ZC3H7A: variants seen among roughly 807,000 people sequenced by gnomAD.
ZC3H7A encodes the protein zinc finger CCCH-type containing 7A.
A neutral mutation model predicts 125.5 loss-of-function variants in ZC3H7A; 44 were observed. The ratio of observed to expected loss-of-function variants is 0.35; its 90% CI spans 0.28 to 0.45. The LOEUF is 0.45. Among genes scored for constraint, ZC3H7A ranks in the 20% least tolerant of loss-of-function variants. The probability of loss-of-function intolerance (pLI) is 1.00; values close to 1 mark genes in which losing one functional copy is unlikely to be tolerated. For synonymous variants in ZC3H7A, 399 were observed against 391.2 expected (o/e 1.02, Z -0.23); for missense variants, 977 against 1,170.7 (o/e 0.83, Z 2.41).
intron 19 of ZC3H7A, chr16:11,759,735 G>A (rs1297603785): frequency 6.6e-6 from 1 of 152,258 alleles, no homozygotes; most frequent in Non-Finnish European, 1.5e-5. Flanking sequence ...GGGCCCTTCT[G>A]GCAGACTTTG....
intron 16 of ZC3H7A, chr16:11,763,167 T>C (rs555926313): frequency 1.9e-5 from 5 of 258,138 alleles, no homozygotes; most frequent in Admixed American, 5.3e-5. Flanking sequence ...GAGCGTAGTG[T>C]TGTGATCCTG....
At chr16:11,760,792 C>T (rs1026159053) in intron 19 of ZC3H7A, among the ~76,000 whole-genome samples, 12 of 152,216 alleles carry the variant, frequency 7.9e-5, no homozygotes, top group African/African-American at 2.9e-4. Context: ...CTCAGACAAT[C>T]ATCTTCAAGA....
intron 13 of ZC3H7A, 84 bp downstream of exon 13, chr16:11,767,333 A>G: frequency 9.2e-7 from 1 of 1,088,924 alleles, no homozygotes; most frequent in Non-Finnish European, 1.2e-6. Context: ...TGCATTTCTC[A>G]CAATGTATCC....
At chr16:11,768,261 T>C (rs2052896971) in intron 12 of ZC3H7A, 54 bp downstream of exon 12, 2 of 1,364,484 alleles carry the variant, frequency 1.5e-6, no homozygotes, top group Non-Finnish European at 1.9e-6. Flanking sequence ...CTAAGAACTT[T>C]CAAGGTTATG....
In ZC3H7A at chr16:11,776,731, A is replaced by T. The variant is rs750345046; in HGVS notation, c.465+20T>A. The T allele has an allele frequency of 6.3e-7, 1 of 1,580,458 alleles. No homozygotes were observed. The highest frequency in any genetic ancestry group is 2.2e-5 in the East Asian group (1 of 44,626). Reference sequence around the variant, plus strand: ...ATGTAAATGGTTACGATGTAAACAAATAAACTATAAATTCCATACCTGAGG... The same window carrying T: ...ATGTAAATGGTTACGATGTAAACAATTAAACTATAAATTCCATACCTGAGG... On this transcript the variant is annotated intron_variant, in intron 5 of 22. Transcript: ENST00000355758.
chr16:11,774,116 G>T, intron 9 of ZC3H7A, 120 bp downstream of exon 9: 3 of 979,438 alleles, frequency 3.1e-6, no homozygotes, highest in Non-Finnish European at 2.7e-6. Context: ...AACTTTCAAG[G>T]TTAAAAAAAC....
At chr16:11,757,645 C>T (rs1484501660) in intron 20 of ZC3H7A, among the ~76,000 whole-genome samples, 1 of 152,078 alleles carries the variant, frequency 6.6e-6, no homozygotes, top group Non-Finnish European at 1.5e-5. Flanking sequence ...ACTAGAAATG[C>T]TTCTTCCTTA....
chr16:11,780,192 G>A (rs770268297), intron 3 of ZC3H7A, among the ~76,000 whole-genome samples: 5 of 151,168 alleles, frequency 3.3e-5, no homozygotes, highest in African/African-American at 9.7e-5. Context: ...CACGATCTCG[G>A]CTCTCTGCGA....
intron 7 of ZC3H7A, 66 bp from the exon 8 acceptor site, chr16:11,775,079 A>G: frequency 6.4e-7 from 1 of 1,572,914 alleles, no homozygotes; most frequent in African/African-American, 1.3e-5. Context: ...ACAATCAGTA[A>G]AACTCACCCT....
chr16:11,795,617 C>G (rs1352054790), intron 1 of ZC3H7A, among the ~76,000 whole-genome samples: 3 of 151,560 alleles, frequency 2.0e-5, no homozygotes, highest in Non-Finnish European at 2.9e-5. Flanking sequence ...TGTATTTTTA[C>G]TAGAGACGGG....
intron 1 of ZC3H7A, among the ~76,000 whole-genome samples, chr16:11,784,741 C>G (rs531923391): frequency 6.6e-6 from 1 of 151,736 alleles, no homozygotes; most frequent in Non-Finnish European, 1.5e-5. Context: ...GTAATCCCAG[C>G]TATTTGGGAG....
chr16:11,776,518 T>A lies in ZC3H7A; in HGVS notation c.480A>T (p.Ile160=), dbSNP rs934001878. The part of the protein sequence containing the change: ...SLAVPQDEHV[I]KLTQELAQKL... ...TCTGAGCTAGTTCTTGAGTTAGTTT[T>A]ATTACATGCTCATCCTGAAAAAAAT... Residue 160 remains isoleucine, a synonymous_variant, in exon 6 of 23, where the codon ATA becomes ATT. Coordinates refer to ENST00000355758, the MANE Select transcript of ZC3H7A (RefSeq NM_014153.4). 5 of 1,609,958 alleles carry A rather than the reference T, an allele frequency of 3.1e-6. No homozygotes were observed. In the African/African-American group the frequency reaches 6.7e-5, roughly 22 times the overall value.
intron 15 of ZC3H7A, among the ~76,000 whole-genome samples, 167 bp from the exon 16 acceptor site, chr16:11,763,826 T>C (rs2052803163): frequency 7.1e-6 from 1 of 140,896 alleles, no homozygotes; most frequent in Non-Finnish European, 1.5e-5. Flanking sequence ...TTTTTTGAGA[T>C]GGAGTCTCAC....
At chr16:11,775,389 A>G (rs2053062877) in intron 7 of ZC3H7A, 1 of 165,770 alleles carries the variant, frequency 6.0e-6, no homozygotes, top group Non-Finnish European at 1.3e-5. Flanking sequence ...AAAAAAAAGA[A>G]AAAAAGAAAA....
chr16:11,754,975 T>C (rs2052616789), intron 21 of ZC3H7A, among the ~76,000 whole-genome samples: 1 of 149,094 alleles, frequency 6.7e-6, no homozygotes, highest in African/African-American at 2.5e-5. Flanking sequence ...TTTGGAAGGC[T>C]GAGGCGGGTG....
At chr16:11,768,582 C>A in intron 11 of ZC3H7A, 81 bp from the exon 12 acceptor site, 1 of 1,231,742 alleles carries the variant, frequency 8.1e-7, no homozygotes. Context: ...CTGAATTCAT[C>A]TGAAAAATAA....
intron 13 of ZC3H7A, 76 bp downstream of exon 13, chr16:11,767,341 T>TC (rs1429128396): frequency 9.7e-7 from 1 of 1,035,490 alleles, no homozygotes; most frequent in East Asian, 3.0e-5. Context: ...TCACAATGTA[T>TC]CCTGTCATTA....
intron 4 of ZC3H7A, 110 bp from the exon 5 acceptor site, chr16:11,777,019 TA>T (rs2053091826): frequency 1.2e-6 from 1 of 801,314 alleles, no homozygotes; most frequent in Non-Finnish European, 1.8e-6. Context: ...ACCCTCCCTC[TA>T]AACTCCAAGT....
chr16:11,781,453 G>A lies in ZC3H7A; in HGVS notation c.80C>T (p.Ser27Leu), dbSNP rs1401150068. 1.2e-6 allele frequency: 2 copies of A among 1,606,290 alleles called. No homozygotes were observed. The highest frequency in any genetic ancestry group is 1.7e-6 in the Non-Finnish European group (2 of 1,174,656). Residue 27 changes from serine to leucine, a missense_variant, in exon 3 of 23, where the codon TCA becomes TTA. Coordinates refer to ENST00000355758, the MANE Select transcript of ZC3H7A (RefSeq NM_014153.4). ...ATATTGCTCCTGTGTTCCTGGATAT[G>A]ACAGCGGTGACCTAAGAAGAAGAAA... The part of the protein sequence containing the change: ...EGLQFIQSPL[S>L]YPGTQEQYAV...
Sources: gnomAD v4.1 joint callset for allele counts (sites outside exome capture counted in the v4.1 genomes callset) on GRCh38, gnomAD v4.1.1 for gene constraint, MANE v1.5 for transcripts, NCBI Gene and HGNC (gene_info 2026-07-23, HGNC 2026-07-21) for gene names.